Variants in FCRL5 observed in about 807,000 individuals in gnomAD.
FCRL5 encodes the protein Fc receptor-like protein 5.
A neutral mutation model predicts 92.1 loss-of-function variants in FCRL5; 79 were observed. That is an observed-to-expected ratio of 0.86 (90% CI 0.72 to 1.03). FCRL5 has a LOEUF of 1.03. Among genes scored for constraint, FCRL5 ranks in the 50% least tolerant of loss-of-function variants. The pLI is 0.00. For missense variants in FCRL5, 1,160 were observed against 1,181.1 expected, an observed-to-expected ratio of 0.98 and a Z score of 0.26; for synonymous variants, 466 against 469.3, an observed-to-expected ratio of 0.99 and a Z score of 0.09.
chr1:157,523,967 C>G (rs1343737301), intron 10 of FCRL5: 2 of 429,084 alleles, frequency 4.7e-6, no homozygotes, highest in African/African-American at 4.0e-5. Context: ...AACATATGCT[C>G]AGAATTCTTT....
At chr1:157,545,165 T>TA (rs1321806644) in intron 3 of FCRL5, 83 bp from the exon 4 acceptor site, 2 of 1,470,894 alleles carry the variant, frequency 1.4e-6, no homozygotes, top group South Asian at 2.6e-5. Flanking sequence ...GATTTTATTT[T>TA]AAAAAAATGG....
intron 10 of FCRL5, among the ~76,000 whole-genome samples, chr1:157,523,330 G>A (rs573400512): frequency 2.2e-4 from 34 of 152,292 alleles, no homozygotes; most frequent in African/African-American, 5.5e-4. Context: ...GAACCTGTAC[G>A]TCTGCATAAT....
chr1:157,541,667 T>G (rs1323922189), intron 6 of FCRL5, among the ~76,000 whole-genome samples: 1 of 152,234 alleles, frequency 6.6e-6, no homozygotes, highest in East Asian at 1.9e-4. Context: ...TGCCTTTCCA[T>G]CTGCTCCTGC....
intron 9 of FCRL5, among the ~76,000 whole-genome samples, chr1:157,524,985 A>T (rs1361204384): frequency 3.9e-5 from 6 of 152,210 alleles, no homozygotes; most frequent in Non-Finnish European, 8.8e-5. Context: ...TTTTACATTC[A>T]TTTATCCATC....
intron 7 of FCRL5, among the ~76,000 whole-genome samples, chr1:157,535,343 C>T (rs1371649176): frequency 1.3e-5 from 2 of 152,306 alleles, no homozygotes; most frequent in African/African-American, 4.8e-5. Context: ...GACATAAAGT[C>T]CTTACCTCTT....
intron 2 of FCRL5, 151 bp from the exon 3 acceptor site, chr1:157,547,348 C>T (rs759748780): frequency 9.9e-7 from 1 of 1,005,422 alleles, no homozygotes; most frequent in Admixed American, 1.7e-5. Flanking sequence ...TCCCTGTCAG[C>T]CAGTGGCCCT....
At chr1:157,523,933 G>T (rs1650308848) in intron 10 of FCRL5, 2 of 382,298 alleles carry the variant, frequency 5.2e-6, no homozygotes, top group African/African-American at 4.1e-5. Flanking sequence ...ACAAGAAACA[G>T]CTTAATCCTT....
At chr1:157,544,167 T>A (rs1651408266) in intron 5 of FCRL5, 95 bp downstream of exon 5, 10 of 1,361,890 alleles carry the variant, frequency 7.3e-6, no homozygotes, top group Non-Finnish European at 1.0e-5. Flanking sequence ...GGTACGAGTT[T>A]TTTCTACAGA....
In FCRL5 at chr1:157,518,800, G is replaced by A; in HGVS notation, c.2661-18C>T. ...AAGGGCTCCTGTGAGACAGAGAAAT[G>A]TGAATGTTTCTTAGGAATCCAGACA... On this transcript the variant is annotated intron_variant, in intron 13 of 16. Coordinates refer to ENST00000361835, the MANE Select transcript of FCRL5 (RefSeq NM_031281.3). 11 of 1,595,090 alleles carry A rather than the reference G, an allele frequency of 6.9e-6. No homozygotes were observed. The highest frequency in any genetic ancestry group is 9.4e-6 in the Non-Finnish European group (11 of 1,166,786).
At chr1:157,550,601 T>C (rs893029676) in intron 1 of FCRL5, among the ~76,000 whole-genome samples, 3 of 152,252 alleles carry the variant, frequency 2.0e-5, no homozygotes, top group Non-Finnish European at 4.4e-5. Context: ...TTCCCTTCTC[T>C]ATAATGCAAG....
chr1:157,523,523 C>G (rs749593891), intron 10 of FCRL5, among the ~76,000 whole-genome samples: 4 of 152,212 alleles, frequency 2.6e-5, no homozygotes, highest in Non-Finnish European at 5.9e-5. Context: ...TCTCAACACC[C>G]CTTAGCATAC....
chr1:157,521,322 T>C, intron 10 of FCRL5, 30 bp from the exon 11 acceptor site: 1 of 1,569,862 alleles, frequency 6.4e-7, no homozygotes, highest in Non-Finnish European at 8.6e-7. Context: ...CAACAGCAGT[T>C]TCTGCTTCTA....
chr1:157,534,843 A>C lies in FCRL5; in HGVS notation c.1452T>G (p.Thr484=), dbSNP rs754064034. Residue 484 remains threonine, a synonymous_variant, in exon 8 of 17, where the codon ACT becomes ACG. Transcript: ENST00000361835. ...GAAGTGTCACAGTGGCTCCTTCAAA[A>C]GTCAGGGCCTCAGCAGAGCTGAGGG... ...VLTLSSAEAL[T]FEGATVTLHC... 3.0e-5 allele frequency: 47 copies of C among 1,585,268 alleles called. No individual in the cohort carries two copies. Among genetic ancestry groups the C allele is most frequent in the Non-Finnish European group, 4.0e-5 (47 of 1,165,756 alleles).
At chr1:157,540,102 G>T (rs1359647528) in intron 6 of FCRL5, among the ~76,000 whole-genome samples, 1 of 152,138 alleles carries the variant, frequency 6.6e-6, no homozygotes, top group Admixed American at 6.5e-5. Context: ...CAGTGCAGTT[G>T]TTCAGTCTCC....
chr1:157,527,947 C>T lies in FCRL5; in HGVS notation c.1682-52G>A, dbSNP rs75327914. 2.6e-3 allele frequency: 3,816 copies of T among 1,494,584 alleles called. 83 individuals carry two copies. The African/African-American group carries it at 0.048, about 19-fold the overall frequency. The allele number at this position is 1,494,584 out of a possible 1,614,324, so 92.6% of individuals were successfully genotyped here. A position where few individuals can be genotyped will look rare whatever the true frequency, so the allele number is the denominator to read the frequency against. On this transcript the variant is annotated intron_variant, in intron 8 of 16. Transcript: ENST00000361835. ...CATGTATTTTTAAAATTAGAAACAG[C>T]TCTTTGTCCTAGCCAGAACAATCAG...
chr1:157,537,280 C>T (rs1651010302), intron 7 of FCRL5, among the ~76,000 whole-genome samples: 1 of 152,128 alleles, frequency 6.6e-6, no homozygotes, highest in South Asian at 2.1e-4. Context: ...GAATATGTCC[C>T]TAAGGGGAGG....
chr1:157,546,036 A>G (rs1432667086), intron 3 of FCRL5, among the ~76,000 whole-genome samples: 2 of 152,210 alleles, frequency 1.3e-5, no homozygotes, highest in Non-Finnish European at 2.9e-5. Context: ...ACAAGGAAGG[A>G]AATGTCTCTT....
rs188404135 is a variant in FCRL5 at position 157,542,200 on chromosome 1, C to T, written c.1123+659G>A. 370 of 152,602 alleles carry T rather than the reference C, an allele frequency of 2.4e-3. 5 individuals carry two copies. Among genetic ancestry groups the T allele is most frequent in the Middle Eastern group, 0.024 (7 of 294 alleles). The allele number at this position is 152,602 out of a possible 1,614,324, so 9.5% of individuals were successfully genotyped here. A position where few individuals can be genotyped will look rare whatever the true frequency, so the allele number is the denominator to read the frequency against. On this transcript the variant is annotated intron_variant, in intron 6 of 16. Coordinates refer to ENST00000361835, the MANE Select transcript of FCRL5 (RefSeq NM_031281.3). Reference sequence around the variant, plus strand: ...GGCATTCAGCCATGCATGGATGGTTCGAAACTGAGATCCAAAGCTCAAAGG... The same window carrying T: ...GGCATTCAGCCATGCATGGATGGTTTGAAACTGAGATCCAAAGCTCAAAGG...
At chr1:157,538,942 A>G in intron 7 of FCRL5, 144 bp downstream of exon 7, 1 of 890,594 alleles carries the variant, frequency 1.1e-6, no homozygotes, top group Non-Finnish European at 1.7e-6. Context: ...CAGCTGGTTC[A>G]GTGAGCTAGA....
Sources: allele counts gnomAD v4.1 joint callset (sites outside exome capture counted in the v4.1 genomes callset), GRCh38; gene constraint gnomAD v4.1.1; transcripts MANE v1.5; gene names NCBI Gene and HGNC (gene_info 2026-07-23, HGNC 2026-07-21).